WDFY2: variants seen among roughly 807,000 people sequenced by gnomAD.
WDFY2 encodes the protein WD repeat and FYVE domain containing 2, also known as WD repeat and FYVE domain-containing protein 2.
WDFY2 carries 36 observed loss-of-function variants against 56.4 expected under a neutral mutation model. That is an observed-to-expected ratio of 0.64 (90% CI 0.49 to 0.84). The LOEUF is 0.84. WDFY2 is among the 40% of genes least tolerant of loss of function. The pLI is 0.00. For missense variants in WDFY2, 444 were observed against 512.2 expected, an observed-to-expected ratio of 0.87 and a Z score of 1.29; for synonymous variants, 176 against 183.7, an observed-to-expected ratio of 0.96 and a Z score of 0.34.
intron 6 of WDFY2, 117 bp from the exon 7 acceptor site, chr13:51,738,932 T>A: frequency 8.0e-7 from 1 of 1,248,284 alleles, no homozygotes; most frequent in Non-Finnish European, 1.0e-6. Context: ...GTTCTTTCAA[T>A]AAGAATTTAT....
chr13:51,658,256 C>T (rs1566083302), intron 1 of WDFY2, among the ~76,000 whole-genome samples: 1 of 152,130 alleles, frequency 6.6e-6, no homozygotes, highest in Non-Finnish European at 1.5e-5. Context: ...CTAAAGTCAG[C>T]CAGTGATTTC....
chr13:51,685,911 A>G (rs1279823402), intron 3 of WDFY2, among the ~76,000 whole-genome samples: 1 of 152,180 alleles, frequency 6.6e-6, no homozygotes, highest in Admixed American at 6.6e-5. Flanking sequence ...TTTTGAGTGA[A>G]TAAAAGCCAA....
chr13:51,699,073 C>G (rs1951931132), intron 3 of WDFY2, among the ~76,000 whole-genome samples: 1 of 152,204 alleles, frequency 6.6e-6, no homozygotes, highest in South Asian at 2.1e-4. Flanking sequence ...CCTTGTTCCA[C>G]CCTGAGGCCA....
intron 1 of WDFY2, among the ~76,000 whole-genome samples, chr13:51,636,735 T>G (rs1426499270): frequency 6.6e-6 from 1 of 152,196 alleles, no homozygotes; most frequent in Non-Finnish European, 1.5e-5. Context: ...GTGAGATCAC[T>G]TGGCCTAGAC....
intron 3 of WDFY2, among the ~76,000 whole-genome samples, chr13:51,701,503 A>G (rs971991315): frequency 6.8e-6 from 1 of 148,126 alleles, no homozygotes; most frequent in Non-Finnish European, 1.5e-5. Flanking sequence ...CCTGGGTGAC[A>G]GAGCAAGATT....
At chr13:51,743,736 A>G (rs1953028282) in intron 7 of WDFY2, among the ~76,000 whole-genome samples, 1 of 152,244 alleles carries the variant, frequency 6.6e-6, no homozygotes, top group Non-Finnish European at 1.5e-5. Context: ...TGCTAGAAGT[A>G]TGAAAATAGG....
rs1953897387 is a variant in WDFY2, at chr13:51,584,575, C to G, written c.-113C>G. The G allele has an allele frequency of 2.9e-6, 4 of 1,383,574 alleles. No individual in the cohort carries two copies. The highest frequency in any genetic ancestry group is 1.9e-6 in the Non-Finnish European group (2 of 1,053,138). 85.7% of individuals were successfully genotyped at this position (1,383,574 alleles called of 1,614,324 possible). Reference sequence around the variant, plus strand: ...CTATGCTCGCCGGTTTCCGGCGTTCCGCTCCGGCCAGCCAGAGTCTCTGTC... The same window carrying G: ...CTATGCTCGCCGGTTTCCGGCGTTCGGCTCCGGCCAGCCAGAGTCTCTGTC... On this transcript the variant is annotated 5_prime_UTR_variant, in exon 1 of 12. Transcript: ENST00000298125.
intron 1 of WDFY2, among the ~76,000 whole-genome samples, chr13:51,626,154 G>A (rs1398679059): frequency 6.6e-6 from 1 of 152,076 alleles, no homozygotes; most frequent in Non-Finnish European, 1.5e-5. Flanking sequence ...AGGGAATGAG[G>A]CCCAAGCTTG....
At chr13:51,726,531 G>C (rs1952608456) in intron 5 of WDFY2, among the ~76,000 whole-genome samples, 1 of 152,138 alleles carries the variant, frequency 6.6e-6, no homozygotes, top group Non-Finnish European at 1.5e-5. Flanking sequence ...GGCTTTTACT[G>C]GTCACGTAGG....
At chr13:51,636,935 A>G (rs1362695032) in intron 1 of WDFY2, among the ~76,000 whole-genome samples, 2 of 152,256 alleles carry the variant, frequency 1.3e-5, no homozygotes, top group Non-Finnish European at 2.9e-5. Flanking sequence ...ACATGCAAAA[A>G]TGAATACAAA....
At chr13:51,683,723 A>G (rs572678455) in intron 3 of WDFY2, among the ~76,000 whole-genome samples, 2 of 152,264 alleles carry the variant, frequency 1.3e-5, no homozygotes, top group South Asian at 4.1e-4. Context: ...TGCTCCACCT[A>G]CTGTGTGATC....
At chr13:51,589,818 C>T (rs1206094868) in intron 1 of WDFY2, 3 of 152,146 alleles carry the variant, frequency 2.0e-5, no homozygotes, top group Admixed American at 6.5e-5. Context: ...TGAGACTCAT[C>T]ACTTGGTGGT....
At chr13:51,598,009 A>G (rs1954184991) in intron 1 of WDFY2, among the ~76,000 whole-genome samples, 1 of 152,228 alleles carries the variant, frequency 6.6e-6, no homozygotes, top group South Asian at 2.1e-4. Flanking sequence ...ATATGCCCTG[A>G]TATGGATCTC....
chr13:51,699,280 C>T (rs1951935644), intron 3 of WDFY2, among the ~76,000 whole-genome samples: 2 of 152,216 alleles, frequency 1.3e-5, no homozygotes. Context: ...GATAAATTCC[C>T]TCTCCATCCC....
At chr13:51,673,111 C>T (rs999363366) in intron 2 of WDFY2, among the ~76,000 whole-genome samples, 2 of 151,990 alleles carry the variant, frequency 1.3e-5, no homozygotes, top group Non-Finnish European at 2.9e-5. Flanking sequence ...ATGCCTTGAA[C>T]ATAGTAAGGA....
At chr13:51,662,147 T>C (rs951925797) in intron 2 of WDFY2, among the ~76,000 whole-genome samples, 1 of 152,056 alleles carries the variant, frequency 6.6e-6, no homozygotes, top group East Asian at 1.9e-4. Flanking sequence ...ATTTTTGTAT[T>C]TTTAGTAGAG....
intron 7 of WDFY2, among the ~76,000 whole-genome samples, chr13:51,744,741 C>T (rs1044899207): frequency 8.5e-5 from 13 of 152,290 alleles, no homozygotes; most frequent in Middle Eastern, 3.4e-3. Context: ...TAACACTCAT[C>T]CATGAAATAA....
chr13:51,609,612 C>T (rs1237674155), intron 1 of WDFY2, among the ~76,000 whole-genome samples: 1 of 125,902 alleles, frequency 7.9e-6, no homozygotes, highest in Non-Finnish European at 1.7e-5. Context: ...CCCCCGCCCC[C>T]CCGCCCTCCC....
chr13:51,665,720 ATGT>A (rs2138472954), intron 2 of WDFY2, among the ~76,000 whole-genome samples: 1 of 152,178 alleles, frequency 6.6e-6, no homozygotes, highest in Non-Finnish European at 1.5e-5. Flanking sequence ...GCTGCCAAAG[ATGT>A]TGTGAATAGG....
Sources: gnomAD v4.1 joint callset for allele counts (sites outside exome capture counted in the v4.1 genomes callset) on GRCh38, gnomAD v4.1.1 for gene constraint, MANE v1.5 for transcripts, NCBI Gene and HGNC (gene_info 2026-07-23, HGNC 2026-07-21) for gene names.